Variants in FRMD5 observed in about 807,000 individuals in gnomAD.
FRMD5 encodes FERM domain-containing protein 5.
FRMD5 carries 20 observed loss-of-function variants against 69.0 expected under a neutral mutation model. That is an observed-to-expected ratio of 0.29 (90% confidence interval 0.20 to 0.42). The LOEUF (loss-of-function observed/expected upper bound fraction) is 0.42. Among genes scored for constraint, FRMD5 ranks in the 10% least tolerant of loss-of-function variants. FRMD5 has a pLI of 1.00. For missense variants in FRMD5, 595 were observed against 708.6 expected (o/e 0.84, Z 1.82); for synonymous variants, 271 against 260.1 (o/e 1.04, Z -0.40).
intron 1 of FRMD5, among the ~76,000 whole-genome samples, chr15:44,125,260 C>T (rs900526573): frequency 4.0e-5 from 6 of 151,858 alleles, no homozygotes. Flanking sequence ...TAGGATCATG[C>T]CACTGCACTC....
At chr15:43,943,392 TTTAATA>T (rs1160871108) in intron 1 of FRMD5, among the ~76,000 whole-genome samples, 2 of 152,206 alleles carry the variant, frequency 1.3e-5, no homozygotes, top group Non-Finnish European at 2.9e-5. Context: ...AAGAGAGTAC[TTTAATA>T]TTAAGGATTA....
At chr15:44,134,517 C>T (rs1161339233) in intron 1 of FRMD5, among the ~76,000 whole-genome samples, 11 of 152,064 alleles carry the variant, frequency 7.2e-5, no homozygotes, top group Non-Finnish European at 1.2e-4. Context: ...GGCATGATCT[C>T]AGCTCACTGC....
intron 1 of FRMD5, among the ~76,000 whole-genome samples, chr15:44,027,804 C>T (rs1891503161): frequency 6.6e-6 from 1 of 152,154 alleles, no homozygotes; most frequent in Non-Finnish European, 1.5e-5. Flanking sequence ...GCCAACACAA[C>T]CAGCTAATTT....
chr15:43,999,947 GCCATGCATATATATATA>G (rs1890116389), intron 1 of FRMD5, among the ~76,000 whole-genome samples: 3 of 97,882 alleles, frequency 3.1e-5, no homozygotes, highest in African/African-American at 1.4e-4. Context: ...ATATATATAT[GCCATGCATATATATATA>G]TATATATATA....
intron 1 of FRMD5, among the ~76,000 whole-genome samples, chr15:44,106,882 C>T (rs1406966492): frequency 6.6e-6 from 1 of 152,208 alleles, no homozygotes; most frequent in Non-Finnish European, 1.5e-5. Context: ...GACCCCTTTA[C>T]ACTGCTAAAA....
intron 1 of FRMD5, among the ~76,000 whole-genome samples, chr15:43,954,012 T>C (rs1335329124): frequency 6.6e-6 from 1 of 152,190 alleles, no homozygotes; most frequent in Non-Finnish European, 1.5e-5. Flanking sequence ...CCTCATTCTA[T>C]GAAAAAGTTC....
intron 1 of FRMD5, among the ~76,000 whole-genome samples, chr15:43,987,330 A>C (rs1889440657): frequency 6.6e-6 from 1 of 152,214 alleles, no homozygotes; most frequent in Non-Finnish European, 1.5e-5. Context: ...AAAGATCTTG[A>C]TGGATATTCA....
chr15:44,015,448 G>A (rs975315588), intron 1 of FRMD5, among the ~76,000 whole-genome samples: 3 of 151,960 alleles, frequency 2.0e-5, no homozygotes, highest in Admixed American at 2.0e-4. Flanking sequence ...GGCCCTGAAG[G>A]TATTTTAATA....
intron 1 of FRMD5, among the ~76,000 whole-genome samples, chr15:44,123,370 G>A (rs1458047307): frequency 6.6e-6 from 1 of 151,812 alleles, no homozygotes; most frequent in African/African-American, 2.4e-5. Context: ...TATGGCATAG[G>A]GTTAAAGAAA....
intron 1 of FRMD5, among the ~76,000 whole-genome samples, chr15:44,067,882 A>C (rs1763038560): frequency 6.6e-6 from 1 of 152,228 alleles, no homozygotes; most frequent in South Asian, 2.1e-4. Context: ...CTTAAAACTC[A>C]GCAATGAAAA....
intron 4 of FRMD5, among the ~76,000 whole-genome samples, chr15:43,918,532 C>G (rs1377668894): frequency 6.6e-6 from 1 of 152,172 alleles, no homozygotes; most frequent in African/African-American, 2.4e-5. Context: ...CAAAGCCTTA[C>G]AGGATAACCC....
At chr15:43,971,017 A>G (rs542045773) in intron 1 of FRMD5, among the ~76,000 whole-genome samples, 1 of 152,200 alleles carries the variant, frequency 6.6e-6, no homozygotes, top group African/African-American at 2.4e-5. Context: ...TGGGAGGGCG[A>G]GGAAGGCGAA....
intron 1 of FRMD5, among the ~76,000 whole-genome samples, chr15:43,999,136 C>T (rs182617578): frequency 1.8e-4 from 28 of 151,652 alleles, no homozygotes; most frequent in South Asian, 6.3e-4. Context: ...GGTGTGATCT[C>T]GGCTCACTGC....
intron 1 of FRMD5, among the ~76,000 whole-genome samples, chr15:44,158,149 G>A (rs1268856431): frequency 6.6e-6 from 1 of 152,158 alleles, no homozygotes; most frequent in Admixed American, 6.5e-5. Flanking sequence ...GAATTTTAGA[G>A]CCTCTGTCTC....
intron 1 of FRMD5, among the ~76,000 whole-genome samples, chr15:43,963,507 C>G (rs1379809360): frequency 6.6e-6 from 1 of 152,182 alleles, no homozygotes; most frequent in Non-Finnish European, 1.5e-5. Context: ...GGCAATTCCT[C>G]AGGGATCTAG....
upstream of FRMD5, among the ~76,000 whole-genome samples, chr15:44,197,930 G>A (rs933681108): frequency 6.6e-6 from 1 of 151,910 alleles, no homozygotes; most frequent in Non-Finnish European, 1.5e-5. Context: ...GTCTTTTTTC[G>A]AAGTATGGCC....
At chr15:43,919,944 T>G (rs1252954911) in intron 2 of FRMD5, 135 bp from the exon 3 acceptor site, 9 of 774,862 alleles carry the variant, frequency 1.2e-5, no homozygotes, top group Non-Finnish European at 2.0e-5. Flanking sequence ...AAAGATAAGT[T>G]TGGTGAGTAA....
chr15:43,970,807 C>T (rs1043118439), intron 1 of FRMD5, among the ~76,000 whole-genome samples: 4 of 152,074 alleles, frequency 2.6e-5, no homozygotes, highest in South Asian at 4.1e-4. Context: ...GTAAATGAGA[C>T]GTCTTTTTCT....
At position 43,873,537 on chromosome 15, in the gene FRMD5, G is replaced by GTAAAA. The variant is rs2088221798; in HGVS notation, c.*343_*347dup. 1 of 1,387,656 alleles carries GTAAAA rather than the reference G, an allele frequency of 7.2e-7. No homozygotes were observed. The highest frequency in any genetic ancestry group is 1.5e-5 in the African/African-American group (1 of 68,400). The allele number at this position is 1,387,656 out of a possible 1,614,324, so 86.0% of individuals were successfully genotyped here. On this transcript the variant is annotated 3_prime_UTR_variant, in exon 14 of 14. Transcript: ENST00000417257. ...GATACTACTGCAATAATCAGTAATA[G>GTAAAA]TAAAATAAATTATTTTTATTTGATA...
Sources: allele counts gnomAD v4.1 joint callset (sites outside exome capture counted in the v4.1 genomes callset), GRCh38; gene constraint gnomAD v4.1.1; transcripts MANE v1.5; gene names NCBI Gene and HGNC (gene_info 2026-07-23, HGNC 2026-07-21).